Variants in SLU7 observed in about 807,000 individuals in gnomAD.
The protein encoded by SLU7 is pre-mRNA-splicing factor SLU7.
Under a neutral mutation model 87.0 loss-of-function variants are expected in SLU7, and 60 were observed. The ratio of observed to expected loss-of-function variants is 0.69; its 90% CI spans 0.56 to 0.86. The LOEUF (loss-of-function observed/expected upper bound fraction) is 0.86, where lower values mean the gene tolerates loss of function less well. Among genes scored for constraint, SLU7 ranks in the 40% least tolerant of loss-of-function variants. The pLI is 0.00. For missense variants in SLU7, 507 were observed against 686.6 expected, an observed-to-expected ratio of 0.74 and a Z score of 2.92; for synonymous variants, 197 against 222.0, an observed-to-expected ratio of 0.89 and a Z score of 1.00.
At chr5:160,412,087 TC>T (rs1765260879) in intron 6 of SLU7, among the ~76,000 whole-genome samples, 1 of 152,218 alleles carries the variant, frequency 6.6e-6, no homozygotes, top group Non-Finnish European at 1.5e-5. Context: ...CTTAACCAAT[TC>T]CCTGTTCCTG....
Position 160,415,130 on chromosome 5 carries a change from T to C in SLU7, c.165A>G (p.Glu55=), listed in dbSNP as rs1337757225. The change falls in exon 2 of 16, where the codon GAA becomes GAG. Residue 55 remains glutamate (E), a synonymous_variant. Coordinates refer to ENST00000297151, the MANE Select transcript of SLU7 (RefSeq NM_006425.5). ...LGNAPAEVDE[E]GKDINPHIPQ... ...ACAAAAAATTAAGTACTTACTTTCC[T>C]TCTTCATCAACTTCTGCAGGAGCAT... 4 of 1,597,300 alleles carry C rather than the reference T, an allele frequency of 2.5e-6. No individual in the cohort carries two copies. In the African/African-American group the frequency reaches 4.1e-5, roughly 16 times the overall value.
chr5:160,414,289 C>A, intron 3 of SLU7, 30 bp downstream of exon 3: 1 of 1,514,354 alleles, frequency 6.6e-7, no homozygotes, highest in Non-Finnish European at 8.9e-7. Context: ...TCTCCATATC[C>A]ATGAAGATGT....
At chr5:160,404,674 C>G in intron 14 of SLU7, 118 bp from the exon 15 acceptor site, 1 of 876,416 alleles carries the variant, frequency 1.1e-6, no homozygotes, top group East Asian at 2.6e-5. Flanking sequence ...TGCAGTGGGC[C>G]CAGACCGTGC....
intron 11 of SLU7, among the ~76,000 whole-genome samples, chr5:160,406,980 A>G (rs2961943): frequency 0.68 from 103,051 of 152,104 alleles, 35,667 homozygotes; most frequent in Admixed American, 0.75. Context: ...TTGACCAATG[A>G]AAGTTGGCAA....
At chr5:160,415,526 C>T (rs1765416971) in intron 1 of SLU7, among the ~76,000 whole-genome samples, 1 of 152,160 alleles carries the variant, frequency 6.6e-6, no homozygotes, top group African/African-American at 2.4e-5. Flanking sequence ...GAGACACACA[C>T]GTGTATTTAA....
At chr5:160,412,339 A>T (rs140191867) in intron 6 of SLU7, 112 bp downstream of exon 6, 37 of 689,144 alleles carry the variant, frequency 5.4e-5, no homozygotes, top group African/African-American at 4.4e-4. Flanking sequence ...TTTTCCCCCA[A>T]TAGCATTTCT....
intron 1 of SLU7, among the ~76,000 whole-genome samples, chr5:160,415,818 C>T (rs921802457): frequency 1.3e-5 from 2 of 152,164 alleles, no homozygotes; most frequent in East Asian, 1.9e-4. Context: ...ATCCAATGGA[C>T]ATTTTTCAGC....
intron 1 of SLU7, among the ~76,000 whole-genome samples, chr5:160,417,989 A>C (rs1895322): frequency 0.23 from 34,228 of 152,004 alleles, 4,599 homozygotes; most frequent in Admixed American, 0.33. Flanking sequence ...TCCTCTAACA[A>C]ACCGTGCTCC....
intron 12 of SLU7, 85 bp downstream of exon 12, chr5:160,406,383 T>G: frequency 2.0e-6 from 2 of 1,009,048 alleles, no homozygotes; most frequent in Non-Finnish European, 2.8e-6. Flanking sequence ...AGAATACAAA[T>G]GGTTAGCTAA....
In SLU7 at chr5:160,402,738, C is replaced by G. The variant is rs964085323; in HGVS notation, c.*547G>C. The G allele has an allele frequency of 6.6e-6, 1 of 152,158 alleles. No homozygotes were observed. The highest frequency in any genetic ancestry group is 1.9e-4 in the East Asian group (1 of 5,196). 9.4% of individuals were successfully genotyped at this position (152,158 alleles called of 1,614,324 possible). On this transcript the variant is annotated 3_prime_UTR_variant, in exon 16 of 16. Transcript: ENST00000297151. ...TGACTCACATAAAACTGGAAATAGG[C>G]CAGGCGCGGTGGCTCACGCCTGTAA... is the stretch of plus-strand genomic sequence containing the variant.
At chr5:160,405,197 G>A (rs540537064) in intron 12 of SLU7, 62 bp from the exon 13 acceptor site, 11 of 1,093,402 alleles carry the variant, frequency 1.0e-5, no homozygotes, top group Non-Finnish European at 1.5e-5. Context: ...TCTGTATACT[G>A]TTGATAAGAG....
At chr5:160,404,911 T>C (rs867236242) in intron 13 of SLU7, 31 bp from the exon 14 acceptor site, 1 of 1,533,622 alleles carries the variant, frequency 6.5e-7, no homozygotes, top group South Asian at 1.1e-5. Flanking sequence ...TTGAGTTGAG[T>C]GTCATAGTTA....
At chr5:160,409,019 G>A (rs550699669) in intron 6 of SLU7, among the ~76,000 whole-genome samples, 27 of 151,548 alleles carry the variant, frequency 1.8e-4, no homozygotes, top group African/African-American at 6.5e-4. Flanking sequence ...TGTCTATAAA[G>A]CCAGCAAATT....
At chr5:160,406,128 C>T (rs2113107676) in intron 12 of SLU7, among the ~76,000 whole-genome samples, 1 of 152,108 alleles carries the variant, frequency 6.6e-6, no homozygotes, top group Non-Finnish European at 1.5e-5. Context: ...ACATAATTTC[C>T]AAATGTTTCA....
intron 1 of SLU7, chr5:160,418,527 C>A (rs1391055880): frequency 6.6e-6 from 1 of 152,176 alleles, no homozygotes; most frequent in Non-Finnish European, 1.5e-5. Context: ...CTATTTTCTC[C>A]AACTAAAAAC....
At chr5:160,409,594 A>G (rs868655829) in intron 6 of SLU7, among the ~76,000 whole-genome samples, 9 of 152,218 alleles carry the variant, frequency 5.9e-5, no homozygotes, top group African/African-American at 2.2e-4. Flanking sequence ...TTATCCTAGT[A>G]TCATGTCAAT....
At position 160,408,526 on chromosome 5, in the gene SLU7, C is replaced by T. The variant is rs1279989562; in HGVS notation, c.688-66G>A. The T allele has an allele frequency of 4.6e-6, 7 of 1,528,686 alleles. No homozygotes were observed. In the African/African-American group the frequency reaches 9.8e-5, roughly 21 times the overall value. The allele number at this position is 1,528,686 out of a possible 1,614,324, so 94.7% of individuals were successfully genotyped here. On this transcript the variant is annotated intron_variant, in intron 7 of 15. Transcript: ENST00000297151. ...GCAGCATGTAGTTCTTTTTTTTCCC[C>T]TTTCCCTTTAACCAAACCCTTATTT...
chr5:160,412,355 C>T (rs1581070348), intron 6 of SLU7, 96 bp downstream of exon 6: 1 of 768,942 alleles, frequency 1.3e-6, no homozygotes. Flanking sequence ...TTTCTCTCTT[C>T]CTAACTGAAG....
At chr5:160,413,717 C>T in intron 4 of SLU7, 97 bp from the exon 5 acceptor site, 4 of 1,160,394 alleles carry the variant, frequency 3.4e-6, no homozygotes, top group Non-Finnish European at 4.9e-6. Flanking sequence ...ACGATCTATT[C>T]AATTTACAGT....
Sources: gnomAD v4.1 joint callset for allele counts (sites outside exome capture counted in the v4.1 genomes callset) on GRCh38, gnomAD v4.1.1 for gene constraint, MANE v1.5 for transcripts, NCBI Gene and HGNC (gene_info 2026-07-23, HGNC 2026-07-21) for gene names.